The following TRRAP variants were observed in gnomAD, a reference collection of about 807,000 sequenced individuals.
The protein encoded by TRRAP is transformation/transcription domain-associated protein.
Under a neutral mutation model 438.8 loss-of-function variants are expected in TRRAP, and 41 were observed. That is an observed-to-expected ratio of 0.09 (90% CI 0.07 to 0.12). The LOEUF is 0.12. TRRAP is among the 10% of genes least tolerant of loss of function. The probability of loss-of-function intolerance (pLI) is 1.00; values close to 1 mark genes in which losing one functional copy is unlikely to be tolerated. For missense variants in TRRAP, 3,122 were observed against 5,055.1 expected (o/e 0.62, Z 11.60); for synonymous variants, 1,994 against 1,962.9 (o/e 1.02, Z -0.42).
intron 64 of TRRAP, among the ~76,000 whole-genome samples, chr7:98,991,585 A>G (rs1331296958): frequency 6.6e-6 from 1 of 152,140 alleles, no homozygotes; most frequent in Admixed American, 6.5e-5. Flanking sequence ...TCTTCCTTTC[A>G]TGGGCACATT....
intron 58 of TRRAP, among the ~76,000 whole-genome samples, chr7:98,979,141 C>T (rs564488467): frequency 6.6e-6 from 1 of 152,300 alleles, no homozygotes; most frequent in African/African-American, 2.4e-5. Flanking sequence ...AAGATGGAAT[C>T]GAGGCCAGGT....
intron 28 of TRRAP, among the ~76,000 whole-genome samples, chr7:98,935,976 C>T (rs1713788429): frequency 6.6e-6 from 1 of 152,180 alleles, no homozygotes; most frequent in South Asian, 2.1e-4. Flanking sequence ...GTGCCAGAAT[C>T]AGAGTGTATA....
At chr7:99,004,476 T>A in intron 68 of TRRAP, 61 bp downstream of exon 68, 1 of 1,487,304 alleles carries the variant, frequency 6.7e-7, no homozygotes, top group Non-Finnish European at 9.2e-7. Flanking sequence ...TGGAGCCCCA[T>A]GGGAGCTCCA....
At position 99,008,487 on chromosome 7, in the gene TRRAP, C is replaced by T; in HGVS notation, c.10864C>T (p.His3622Tyr). Residue 3622 changes from histidine (H) to tyrosine (Y), a missense_variant, in exon 70 of 73, where the codon CAT becomes TAT. Around this residue, in one of 24 missense-constraint regions of TRRAP, gnomAD observed 38 missense variants for 32.1 expected, o/e 1.18. Transcript: ENST00000456197. ...KQRCAKKGIEHDNPISRYYDR... is the reference protein window; with the variant it reads ...KQRCAKKGIEYDNPISRYYDR... Reference sequence around the variant, plus strand: ...GCGCTGCGCCAAGAAGGGCATCGAGCATGACAACCCCATCTCCCGTTACTA... The same window carrying T: ...GCGCTGCGCCAAGAAGGGCATCGAGTATGACAACCCCATCTCCCGTTACTA... The T allele has an allele frequency of 1.2e-6, 2 of 1,614,214 alleles. No homozygotes were observed. The highest frequency in any genetic ancestry group is 1.7e-6 in the Non-Finnish European group (2 of 1,180,032).
intron 58 of TRRAP, 76 bp from the exon 59 acceptor site, chr7:98,981,693 T>C: frequency 6.9e-7 from 1 of 1,457,546 alleles, no homozygotes; most frequent in Non-Finnish European, 9.1e-7. Context: ...AAAAAAGTGA[T>C]CTTTTTCCTG....
chr7:98,925,011 A>C, intron 21 of TRRAP, 101 bp from the exon 22 acceptor site: 1 of 1,473,182 alleles, frequency 6.8e-7, no homozygotes, highest in Non-Finnish European at 9.0e-7. Flanking sequence ...TCTCAAAAAA[A>C]AAAAAAGATT....
intron 21 of TRRAP, 47 bp downstream of exon 21, chr7:98,922,000 C>A (rs782404905): frequency 6.2e-7 from 1 of 1,610,796 alleles, no homozygotes; most frequent in South Asian, 1.1e-5. Context: ...TGTGAAGATA[C>A]TATGTTTCAG....
chr7:98,968,055 G>A (rs1479335807), intron 51 of TRRAP, among the ~76,000 whole-genome samples: 1 of 150,560 alleles, frequency 6.6e-6, no homozygotes, highest in Admixed American at 6.6e-5. Flanking sequence ...GTCCTGCTCT[G>A]TTGCCCAGGT....
intron 2 of TRRAP, 139 bp downstream of exon 2, chr7:98,881,389 A>G (rs1795421634): frequency 1.3e-5 from 9 of 685,828 alleles, no homozygotes; most frequent in Admixed American, 7.2e-5. Flanking sequence ...CCTGGCCAAC[A>G]TGGTGAAACC....
rs1791171091 is a variant in TRRAP, at chr7:98,948,138, T to C, written c.4549-83T>C. The C allele has an allele frequency of 1.3e-6, 2 of 1,586,142 alleles. No homozygotes were observed. The highest frequency in any genetic ancestry group is 1.3e-5 in the African/African-American group (1 of 74,504). On this transcript the variant is annotated intron_variant, in intron 33 of 72. Coordinates refer to ENST00000456197, the MANE Select transcript of TRRAP (RefSeq NM_001375524.1). The surrounding 1 kb of genome is among the most constrained non-coding windows in gnomAD (Gnocchi z 4.9). ...CCTAGCCTTGCCAACATAGTTAGAC[T>C]ATAGTAGGGTCTGTAGTGACGTTGA... is the stretch of plus-strand genomic sequence containing the variant.
chr7:98,952,347 A>G (rs1791380843), intron 39 of TRRAP, among the ~76,000 whole-genome samples: 1 of 152,222 alleles, frequency 6.6e-6, no homozygotes, highest in South Asian at 2.1e-4. Context: ...TTCTGATCAT[A>G]ATGCAGAAAA....
chr7:98,978,402 T>A lies in TRRAP; in HGVS notation c.8498+79T>A, dbSNP rs533090643. On this transcript the variant is annotated intron_variant, in intron 57 of 72. Transcript: ENST00000456197. ...AAAAATCTCTGACCTTTTCTTGTAA[T>A]GAGCGTTTTTTAAAGAAAGCTTTGC... is the stretch of plus-strand genomic sequence containing the variant. 5 of 1,301,532 alleles carry A rather than the reference T, an allele frequency of 3.8e-6. No individual in the cohort carries two copies. In the South Asian group the frequency reaches 5.2e-5, roughly 13 times the overall value. 80.6% of individuals were successfully genotyped at this position (1,301,532 alleles called of 1,614,324 possible).
chr7:99,000,084 C>G (rs527871998), intron 67 of TRRAP, among the ~76,000 whole-genome samples: 1 of 152,010 alleles, frequency 6.6e-6, no homozygotes, highest in Non-Finnish European at 1.5e-5. Context: ...CTCAGCTCAC[C>G]GCCACCTCTG....
At chr7:98,984,393 G>A (rs775921745) in intron 61 of TRRAP, 35 bp downstream of exon 61, 16 of 1,499,136 alleles carry the variant, frequency 1.1e-5, no homozygotes, top group Admixed American at 6.6e-5. Flanking sequence ...GAGGCCAGGT[G>A]GAGATTGAGG....
chr7:98,985,905 A>G (rs1793130126), intron 62 of TRRAP, among the ~76,000 whole-genome samples: 2 of 152,170 alleles, frequency 1.3e-5, no homozygotes, highest in Admixed American at 1.3e-4. Context: ...TATTTCCATC[A>G]TCCCCCAAGT....
chr7:98,953,669 G>A (rs1192175710), intron 40 of TRRAP, among the ~76,000 whole-genome samples: 1 of 152,222 alleles, frequency 6.6e-6, no homozygotes, highest in African/African-American at 2.4e-5. Context: ...AGCGAGTATT[G>A]AATGGTGCGG....
Position 98,949,597 on chromosome 7 carries a change from C to G in TRRAP, c.4953+16C>G, listed in dbSNP as rs781911688. The G allele has an allele frequency of 1.3e-6, 2 of 1,585,594 alleles. No homozygotes were observed. The highest frequency in any genetic ancestry group is 8.6e-7 in the Non-Finnish European group (1 of 1,165,416). On this transcript the variant is annotated intron_variant, in intron 36 of 72. Coordinates refer to ENST00000456197, the MANE Select transcript of TRRAP (RefSeq NM_001375524.1). The stretch of plus-strand genomic sequence containing the variant: ...GGCCATCAAGGTAGCGCCCCTTCCT[C>G]CAGCCCCCAATGCCCAGGGGTTTAA...
intron 58 of TRRAP, 139 bp from the exon 59 acceptor site, chr7:98,981,630 A>G (rs1425466594): frequency 1.2e-6 from 1 of 842,802 alleles, no homozygotes; most frequent in Non-Finnish European, 1.8e-6. Flanking sequence ...CTCTAAAGAA[A>G]ATACATTTCT....
In TRRAP at chr7:98,967,107, C is replaced by G. The variant is rs1040096821; in HGVS notation, c.7243C>G (p.Pro2415Ala). The change falls in exon 50 of 73, where the codon CCG becomes GCG. Residue 2415 changes from proline to alanine, a missense_variant. Pro to Ala is a conservative substitution (Grantham distance 27). This residue lies in a region of TRRAP where 992 missense variants were observed against 1,281.2 expected (regional missense o/e 0.77). Transcript: ENST00000456197. ...KMMTYIEKRF[P>A]EDLELNAQFL... ...GATGACTTACATAGAAAAACGCTTT[C>G]CGGAAGACCTTGAATTAAATGCCCA... The G allele has an allele frequency of 2.5e-6, 4 of 1,613,986 alleles. No homozygotes were observed. The African/African-American group carries it at 5.3e-5, about 22-fold the overall frequency.
Sources: gnomAD v4.1 joint callset for allele counts (sites outside exome capture counted in the v4.1 genomes callset) on GRCh38, gnomAD v4.1.1 for gene constraint, gnomAD v4.1.1 regional missense constraint, Gnocchi (gnomAD v3.1) non-coding constraint, MANE v1.5 for transcripts, NCBI Gene and HGNC (gene_info 2026-07-23, HGNC 2026-07-21) for gene names.